The following CENPE variants were observed in gnomAD, a reference collection of about 807,000 sequenced individuals.
The protein encoded by CENPE is centromere protein E.
In CENPE, 145 loss-of-function variants were observed where a neutral mutation model predicts 336.1. The ratio of observed to expected loss-of-function variants is 0.43; its 90% CI spans 0.38 to 0.50. The LOEUF is 0.50. Among genes scored for constraint, CENPE ranks in the 20% least tolerant of loss-of-function variants. The pLI, the probability that CENPE is intolerant of heterozygous loss-of-function variation, is 0.00. For missense variants in CENPE, 2,719 were observed against 3,023.3 expected, an observed-to-expected ratio of 0.90 and a Z score of 2.36; for synonymous variants, 1,013 against 984.8, an observed-to-expected ratio of 1.03 and a Z score of -0.54.
chr4:103,128,187 T>C (rs1560605112), intron 42 of CENPE, among the ~76,000 whole-genome samples: 1 of 152,184 alleles, frequency 6.6e-6, no homozygotes, highest in Non-Finnish European at 1.5e-5. Flanking sequence ...GGACATTACG[T>C]AGTGATAAAG....
chr4:103,134,635 C>CAA (rs36085712), intron 40 of CENPE, among the ~76,000 whole-genome samples: 330 of 63,846 alleles, frequency 5.2e-3, no homozygotes, highest in East Asian at 7.1e-3. Context: ...GACTCCGTCT[C>CAA]AAAAAAAAAA....
intron 43 of CENPE, among the ~76,000 whole-genome samples, chr4:103,121,977 C>T (rs1310538432): frequency 1.3e-5 from 2 of 152,138 alleles, no homozygotes; most frequent in Non-Finnish European, 1.5e-5. Flanking sequence ...CTCTACTTGT[C>T]CATTTTTGCA....
In CENPE at chr4:103,132,738, A is replaced by G. The variant is rs778347363; in HGVS notation, c.6879T>C (p.Asn2293=). ...AGTTATTCACTTGACAAATCCTATCATTTTCTTTCTGGATGCCATTTTTAA... is the reference window on the plus strand; with the variant it reads ...AGTTATTCACTTGACAAATCCTATCGTTTTCTTTCTGGATGCCATTTTTAA... ...EKLKNGIQKE[N]DRICQVNNFF... Residue 2293 remains asparagine, a synonymous_variant, in exon 42 of 49, where the codon AAT becomes AAC. Transcript: ENST00000265148. The G allele has an allele frequency of 6.4e-6, 10 of 1,566,842 alleles. No individual in the cohort carries two copies. In the South Asian group the frequency reaches 6.8e-5, roughly 11 times the overall value.
intron 45 of CENPE, among the ~76,000 whole-genome samples, chr4:103,115,033 T>A (rs1462277060): frequency 1.3e-5 from 2 of 152,206 alleles, no homozygotes; most frequent in South Asian, 2.1e-4. Context: ...TTTTATGAGT[T>A]GTTAGTTTAC....
rs1752902796 is a variant in CENPE at position 103,145,094 on chromosome 4, C to G, written c.4813G>C (p.Glu1605Gln). ...MKRVQEALQIERDQLKENTKE... is the reference protein window; with the variant it reads ...MKRVQEALQIQRDQLKENTKE... ...GTGTTTTCTTTCAGTTGGTCTCTCT[C>G]TATCTGAAGGGCCTCCTGTACTCTT... Residue 1605 changes from glutamate (E) to glutamine (Q), a missense_variant, in exon 32 of 49, where the codon GAG (glutamate) becomes CAG (glutamine). Physicochemically the swap from Glu to Gln is conservative, Grantham distance 29. This residue lies in a region of CENPE where 2,437 missense variants were observed against 2,513.3 expected (regional missense o/e 0.97). Transcript: ENST00000265148. The G allele has an allele frequency of 1.3e-6, 2 of 1,580,562 alleles. No individual in the cohort carries two copies. The highest frequency in any genetic ancestry group is 2.4e-5 in the South Asian group (2 of 84,584).
chr4:103,196,759 CA>C lies in CENPE; in HGVS notation c.147del (p.Phe49LeufsTer18). 6.7e-7 allele frequency: 1 copy of C among 1,501,646 alleles called. No homozygotes were observed. Among genetic ancestry groups the C allele is most frequent in the Non-Finnish European group, 9.2e-7 (1 of 1,083,334 alleles). 93.0% of individuals were successfully genotyped at this position (1,501,646 alleles called of 1,614,324 possible). The part of the protein sequence containing the change: ...YQVDGSKSFN[F>X]DRVFHGNETT... ...ACTTTTGATGCTATTATAAGCTTAC[CA>C]AAATTGAAGGATTTACTTCCATCAA... On this transcript the variant is annotated frameshift_variant and splice_region_variant, in exon 2 of 49. Transcript: ENST00000265148. LOFTEE classifies it high-confidence loss of function.
chr4:103,145,276 T>A lies in CENPE; in HGVS notation c.4631A>T (p.Gln1544Leu). Residue 1544 changes from glutamine (Q) to leucine (L), a missense_variant, in exon 32 of 49, where the codon CAG (glutamine) becomes CTG (leucine). By Grantham distance (113) the Gln-to-Leu change is moderately radical. Transcript: ENST00000265148. The stretch of plus-strand genomic sequence containing the variant: ...TTGTTTCAGTTCATTCACTTTTTCC[T>A]GAACCTCACTAATTTGTTTTATATT... ...QFNIKQISEVQEKVNELKQFK... is the reference protein window; with the variant it reads ...QFNIKQISEVLEKVNELKQFK... 1 of 1,606,798 alleles carries A rather than the reference T, an allele frequency of 6.2e-7. No individual in the cohort carries two copies. Among genetic ancestry groups the A allele is most frequent in the Non-Finnish European group, 8.5e-7 (1 of 1,174,146 alleles).
chr4:103,136,795 C>T (rs1560614477), intron 39 of CENPE, among the ~76,000 whole-genome samples: 1 of 152,038 alleles, frequency 6.6e-6, no homozygotes, highest in Admixed American at 6.6e-5. Flanking sequence ...AGAATCAAAC[C>T]ACCTATTTGT....
intron 8 of CENPE, among the ~76,000 whole-genome samples, chr4:103,187,777 G>T (rs1318607584): frequency 6.6e-6 from 1 of 152,112 alleles, no homozygotes; most frequent in African/African-American, 2.4e-5. Flanking sequence ...CATAATGACA[G>T]GATCAAATTC....
rs566654336 is a variant in CENPE, at chr4:103,116,685, T to C, written c.7334A>G (p.Lys2445Arg). The C allele has an allele frequency of 9.8e-6, 15 of 1,533,622 alleles. No individual in the cohort carries two copies. In the East Asian group the frequency reaches 3.2e-4, roughly 33 times the overall value. Residue 2445 changes from lysine (K) to arginine (R), a missense_variant, in exon 45 of 49, where the codon AAA becomes AGA. Lys to Arg is a conservative substitution (Grantham distance 26). This residue lies in a region of CENPE where 2,437 missense variants were observed against 2,513.3 expected (regional missense o/e 0.97). Transcript: ENST00000265148. ...TKETIQVLQD[K>R]VALGAKPYKE... ...ATATGGCTTAGCTCCTAAAGCAACT[T>C]TGTCCTAAATTTTTTTTAGAGAAAA...
At chr4:103,148,747 A>T in intron 28 of CENPE, 97 bp downstream of exon 28, 1 of 1,124,762 alleles carries the variant, frequency 8.9e-7, no homozygotes, top group Middle Eastern at 2.4e-4. Flanking sequence ...CCAGTCAATT[A>T]ATGAACCACA....
chr4:103,113,936 T>A (rs916493690), intron 46 of CENPE, among the ~76,000 whole-genome samples: 3 of 151,946 alleles, frequency 2.0e-5, no homozygotes, highest in South Asian at 2.1e-4. Flanking sequence ...GTTTGAGGAA[T>A]GCATGTATAT....
rs137913183 is a variant in CENPE at position 103,110,441 on chromosome 4, C to T, written c.7724+387G>A. Among the ~76,000 whole-genome samples, 343 of 152,142 alleles carry T rather than the reference C, an allele frequency of 2.3e-3. 1 individual carries two copies. The highest frequency in any genetic ancestry group is 8.0e-3 in the African/African-American group (331 of 41,492). ...TTGGGGAAAAGATTCTACTCTTCCA[C>T]GTGGTAGAAGCCGAATAATTTGTTA... On this transcript the variant is annotated intron_variant, in intron 47 of 48. Coordinates refer to ENST00000265148, the MANE Select transcript of CENPE (RefSeq NM_001813.3).
chr4:103,185,150 C>T (rs1449801893), intron 9 of CENPE, among the ~76,000 whole-genome samples: 1 of 151,820 alleles, frequency 6.6e-6, no homozygotes, highest in Non-Finnish European at 1.5e-5. Context: ...ACTAAAAATA[C>T]AAAAATTAGC....
At chr4:103,140,167 C>CT in intron 37 of CENPE, 88 bp from the exon 38 acceptor site, 1 of 1,438,294 alleles carries the variant, frequency 7.0e-7, no homozygotes, top group Non-Finnish European at 9.5e-7. Context: ...ATGCACATAT[C>CT]TATCTACATA....
intron 8 of CENPE, among the ~76,000 whole-genome samples, chr4:103,189,779 A>C (rs1757135365): frequency 6.6e-6 from 1 of 152,166 alleles, no homozygotes; most frequent in African/African-American, 2.4e-5. Context: ...ATAGTGTTGG[A>C]AGTTCTGGCC....
At chr4:103,110,374 A>G (rs1560584776) in intron 47 of CENPE, among the ~76,000 whole-genome samples, 1 of 152,136 alleles carries the variant, frequency 6.6e-6, no homozygotes, top group Non-Finnish European at 1.5e-5. Context: ...TATTTGTAAA[A>G]TTATTTAACG....
chr4:103,171,186 T>A (rs1755376270), intron 16 of CENPE, among the ~76,000 whole-genome samples: 1 of 152,102 alleles, frequency 6.6e-6, no homozygotes, highest in Non-Finnish European at 1.5e-5. Flanking sequence ...ACCTAACAGA[T>A]GTTTACAGAA....
Position 103,158,651 on chromosome 4 carries a change from T to A in CENPE, c.2837A>T (p.Asp946Val). The change falls in exon 23 of 49, where the codon GAC becomes GTC. Residue 946 changes from aspartate (D) to valine (V), a missense_variant. Physicochemically the swap from Asp to Val is radical, Grantham distance 152. This residue lies in a region of CENPE where 2,437 missense variants were observed against 2,513.3 expected (regional missense o/e 0.97). Coordinates refer to ENST00000265148, the MANE Select transcript of CENPE (RefSeq NM_001813.3). The stretch of plus-strand genomic sequence containing the variant: ...ATCGTGAATATCACTTTTGAGTTGG[T>A]CCCTCTCAATTTGCAAGCTTTCTTG... ...QLQESLQIER[D>V]QLKSDIHDTV... The A allele has an allele frequency of 6.2e-7, 1 of 1,609,454 alleles. No individual in the cohort carries two copies. Among genetic ancestry groups the A allele is most frequent in the Non-Finnish European group, 8.5e-7 (1 of 1,178,608 alleles).
Sources: gnomAD v4.1 joint callset for allele counts (sites outside exome capture counted in the v4.1 genomes callset) on GRCh38, gnomAD v4.1.1 for gene constraint, gnomAD v4.1.1 regional missense constraint, MANE v1.5 for transcripts, NCBI Gene and HGNC (gene_info 2026-07-23, HGNC 2026-07-21) for gene names.